Variants in KCND3 observed in about 807,000 individuals in gnomAD.
KCND3 encodes the protein A-type voltage-gated potassium channel KCND3.
KCND3 carries 9 observed loss-of-function variants against 51.1 expected under a neutral mutation model. The observed-to-expected ratio is 0.18, with a 90% CI of 0.11 to 0.31. The LOEUF (loss-of-function observed/expected upper bound fraction) is 0.31. KCND3 is among the 10% of genes least tolerant of loss of function. KCND3 has a pLI of 1.00. For missense variants in KCND3, 526 were observed against 903.8 expected, an observed-to-expected ratio of 0.58 and a Z score of 5.36; for synonymous variants, 349 against 368.0, an observed-to-expected ratio of 0.95 and a Z score of 0.59.
chr1:111,827,744 T>C (rs534027950), intron 2 of KCND3, among the ~76,000 whole-genome samples: 11 of 152,294 alleles, frequency 7.2e-5, no homozygotes, highest in African/African-American at 2.6e-4. Context: ...TATATTATCT[T>C]CACTTTGCTC....
chr1:111,807,773 G>T, intron 2 of KCND3, among the ~76,000 whole-genome samples: 1 of 152,216 alleles, frequency 6.6e-6, no homozygotes, highest in East Asian at 1.9e-4. Context: ...TATCATCTAG[G>T]CTTGTGCAAG....
chr1:111,874,047 C>T (rs1371276996), intron 2 of KCND3, among the ~76,000 whole-genome samples: 1 of 152,220 alleles, frequency 6.6e-6, no homozygotes, highest in Admixed American at 6.5e-5. Flanking sequence ...CATTGCTCCA[C>T]ATACTCAGAA....
chr1:111,832,546 T>G (rs905799241), intron 2 of KCND3, among the ~76,000 whole-genome samples: 1 of 152,168 alleles, frequency 6.6e-6, no homozygotes, highest in Non-Finnish European at 1.5e-5. Flanking sequence ...GCCCCTTCCC[T>G]AAAGCATGTA....
At chr1:111,971,135 T>C (rs1468159522) in intron 2 of KCND3, among the ~76,000 whole-genome samples, 1 of 152,146 alleles carries the variant, frequency 6.6e-6, no homozygotes, top group African/African-American at 2.4e-5. Flanking sequence ...GCATCACCCT[T>C]GGACAAGGAG....
intron 3 of KCND3, among the ~76,000 whole-genome samples, chr1:111,781,595 C>T (rs927694389): frequency 6.6e-6 from 1 of 152,146 alleles, no homozygotes; most frequent in Non-Finnish European, 1.5e-5. Flanking sequence ...TCTCGGCTCA[C>T]TGCAACCTCT....
intron 2 of KCND3, among the ~76,000 whole-genome samples, chr1:111,824,119 CAAAA>C (rs34971055): frequency 3.4e-5 from 4 of 118,948 alleles, no homozygotes; most frequent in Admixed American, 1.6e-4. Context: ...TCTCCAACTC[CAAAA>C]AAAAAAAAAA....
intron 2 of KCND3, among the ~76,000 whole-genome samples, chr1:111,829,559 T>C (rs1450041986): frequency 6.6e-6 from 1 of 152,190 alleles, no homozygotes; most frequent in East Asian, 1.9e-4. Flanking sequence ...TGATTTCAGA[T>C]ACGCTGACTT....
intron 2 of KCND3, among the ~76,000 whole-genome samples, chr1:111,924,546 A>G (rs1171875527): frequency 1.6e-4 from 24 of 152,200 alleles, no homozygotes; most frequent in Admixed American, 1.6e-3. Context: ...CCAATGGAAC[A>G]GCAGGGCAGA....
At chr1:111,833,488 G>A (rs1443052200) in intron 2 of KCND3, among the ~76,000 whole-genome samples, 1 of 152,212 alleles carries the variant, frequency 6.6e-6, no homozygotes, top group Non-Finnish European at 1.5e-5. Context: ...ACTTCAAGCT[G>A]GTAACAAGTC....
chr1:111,902,914 G>C (rs1670458169), intron 2 of KCND3, among the ~76,000 whole-genome samples: 1 of 152,180 alleles, frequency 6.6e-6, no homozygotes, highest in South Asian at 2.1e-4. Flanking sequence ...TTTGCTCATA[G>C]TAGGTGCTCA....
At chr1:111,801,856 G>T (rs1460334608) in intron 2 of KCND3, among the ~76,000 whole-genome samples, 3 of 152,098 alleles carry the variant, frequency 2.0e-5, no homozygotes, top group Admixed American at 6.5e-5. Flanking sequence ...ACTCTTACAG[G>T]TCTTGAAGGA....
chr1:111,842,360 G>T (rs910809471), intron 2 of KCND3, among the ~76,000 whole-genome samples: 1 of 152,184 alleles, frequency 6.6e-6, no homozygotes, highest in Non-Finnish European at 1.5e-5. Context: ...CCTGTGGGGA[G>T]CAGTCATGAG....
chr1:111,946,040 G>A (rs1026751091), intron 2 of KCND3, among the ~76,000 whole-genome samples: 1 of 152,238 alleles, frequency 6.6e-6, no homozygotes, highest in Non-Finnish European at 1.5e-5. Flanking sequence ...TATTAAGTGT[G>A]TACATAATGA....
chr1:111,981,821 G>C lies in KCND3; in HGVS notation c.906C>G (p.Arg302=), dbSNP rs575946174. Residue 302 remains arginine, a synonymous_variant, in exon 2 of 8, where the codon CGC becomes CGG. Coordinates refer to ENST00000302127, the MANE Select transcript of KCND3 (RefSeq NM_001378969.1). The surrounding 1 kb of genome is among the most constrained non-coding windows in gnomAD (Gnocchi z 6.2). ...FRVFRIFKFS[R]HSQGLRILGY... Reference sequence around the variant, plus strand: ...CCAGGATCCGCAGGCCCTGGGAGTGGCGGGAAAACTTGAAGATCCTGAAGA... The same window carrying C: ...CCAGGATCCGCAGGCCCTGGGAGTGCCGGGAAAACTTGAAGATCCTGAAGA... 28 of 1,614,116 alleles carry C rather than the reference G, an allele frequency of 1.7e-5. No individual in the cohort carries two copies. The South Asian group carries it at 2.4e-4, about 14-fold the overall frequency.
At chr1:111,837,660 T>C (rs1340010396) in intron 2 of KCND3, among the ~76,000 whole-genome samples, 8 of 152,138 alleles carry the variant, frequency 5.3e-5, no homozygotes, top group Non-Finnish European at 2.9e-5. Context: ...CGATGAAGCA[T>C]AGGATCACAC....
At position 111,773,969 on chromosome 1, in the gene KCND3, T is replaced by G. The variant is rs1664013732; in HGVS notation, c.*2108A>C. On this transcript the variant is annotated 3_prime_UTR_variant, in exon 8 of 8. Transcript: ENST00000302127. ...TGTGTATACACATGTACTCTGTAGTTGTAAAGCTTTTCTGCCTTCTTAGTC... is the reference window on the plus strand; with the variant it reads ...TGTGTATACACATGTACTCTGTAGTGGTAAAGCTTTTCTGCCTTCTTAGTC... 1 of 152,226 alleles carries G rather than the reference T, an allele frequency of 6.6e-6. No homozygotes were observed. Among genetic ancestry groups the G allele is most frequent in the Admixed American group, 6.5e-5 (1 of 15,290 alleles). The allele number at this position is 152,226 out of a possible 1,614,324, so 9.4% of individuals were successfully genotyped here. A position where few individuals can be genotyped will look rare whatever the true frequency, so the allele number is the denominator to read the frequency against.
chr1:111,893,365 G>A (rs1438787462), intron 2 of KCND3, among the ~76,000 whole-genome samples: 1 of 152,126 alleles, frequency 6.6e-6, no homozygotes, highest in Non-Finnish European at 1.5e-5. Context: ...ACCAGGGTGG[G>A]GGCAGGGAGA....
At chr1:111,846,841 G>A (rs1057467834) in intron 2 of KCND3, among the ~76,000 whole-genome samples, 2 of 152,172 alleles carry the variant, frequency 1.3e-5, no homozygotes, top group Non-Finnish European at 1.5e-5. Context: ...TCTTAGAGAA[G>A]CTATTGCCCT....
rs570216049 is a variant in KCND3 at position 111,971,770 on chromosome 1, C to T, written c.1106+9851G>A. On this transcript the variant is annotated intron_variant, in intron 2 of 7. Coordinates refer to ENST00000302127, the MANE Select transcript of KCND3 (RefSeq NM_001378969.1). The stretch of plus-strand genomic sequence containing the variant: ...TTGACCTCCTGACAACCTGTTCCTT[C>T]TCTAAGGAACTCCAACCTCCATACC... Among the ~76,000 whole-genome samples the T allele has an allele frequency of 1.1e-3, 161 of 152,300 alleles. 1 individual carries two copies. Among genetic ancestry groups the T allele is most frequent in the Middle Eastern group, 3.4e-3 (1 of 294 alleles).
Sources: allele counts gnomAD v4.1 joint callset (sites outside exome capture counted in the v4.1 genomes callset), GRCh38; gene constraint gnomAD v4.1.1; non-coding constraint Gnocchi (gnomAD v3.1); transcripts MANE v1.5; gene names NCBI Gene and HGNC (gene_info 2026-07-23, HGNC 2026-07-21).